The following PLPP1 variants were observed in gnomAD, a reference collection of about 807,000 sequenced individuals.
PLPP1 encodes the protein lipid phosphate phosphohydrolase 1a.
A neutral mutation model predicts 31.2 loss-of-function variants in PLPP1; 24 were observed. The ratio of observed to expected loss-of-function variants is 0.77; its 90% CI spans 0.56 to 1.08. PLPP1 has a LOEUF of 1.08. PLPP1 is among the 50% of genes least tolerant of loss of function. The pLI, the probability that PLPP1 is intolerant of heterozygous loss-of-function variation, is 0.00. For synonymous variants in PLPP1, 146 were observed against 126.3 expected, an observed-to-expected ratio of 1.16 and a Z score of -1.05; for missense variants, 319 against 342.7, an observed-to-expected ratio of 0.93 and a Z score of 0.55.
intron 1 of PLPP1, among the ~76,000 whole-genome samples, chr5:55,483,386 C>T (rs994732325): frequency 2.0e-5 from 3 of 151,948 alleles, no homozygotes; most frequent in Admixed American, 2.0e-4. Flanking sequence ...GTACATTATT[C>T]GAGGCTAGGT....
At chr5:55,443,029 C>G (rs1480292073) in intron 3 of PLPP1, among the ~76,000 whole-genome samples, 1 of 151,482 alleles carries the variant, frequency 6.6e-6, no homozygotes, top group Non-Finnish European at 1.5e-5. Flanking sequence ...AAGTAATTTA[C>G]TTATTACACT....
At chr5:55,441,683 T>C (rs1412909460) in intron 4 of PLPP1, among the ~76,000 whole-genome samples, 168 bp downstream of exon 4, 2 of 152,198 alleles carry the variant, frequency 1.3e-5, no homozygotes, top group Non-Finnish European at 2.9e-5. Context: ...CGTCCCAAAG[T>C]AAGGGCACAC....
At chr5:55,453,689 C>A (rs536239494) in intron 3 of PLPP1, among the ~76,000 whole-genome samples, 6 of 152,226 alleles carry the variant, frequency 3.9e-5, no homozygotes, top group Admixed American at 6.5e-5. Flanking sequence ...ACCTGTAATC[C>A]TAGCAATTTG....
chr5:55,513,729 C>T (rs1422258903), intron 1 of PLPP1, among the ~76,000 whole-genome samples: 5 of 152,280 alleles, frequency 3.3e-5, no homozygotes, highest in Admixed American at 6.5e-5. Flanking sequence ...CTCCTGAGCC[C>T]AGCCTGGACA....
intron 1 of PLPP1, among the ~76,000 whole-genome samples, chr5:55,516,998 C>T (rs1753568223): frequency 6.6e-6 from 1 of 152,078 alleles, no homozygotes; most frequent in Non-Finnish European, 1.5e-5. Context: ...ATATAATTCA[C>T]TAAAGTCTCC....
chr5:55,474,000 T>G (rs112002179), intron 2 of PLPP1, among the ~76,000 whole-genome samples: 656 of 33,876 alleles, frequency 0.019, 11 homozygotes, highest in African/African-American at 0.06. Flanking sequence ...GTTTGTTGTT[T>G]TTTTTTTTTT....
intron 2 of PLPP1, 37 bp downstream of exon 2, chr5:55,475,262 C>G (rs1752510391): frequency 1.3e-6 from 2 of 1,559,770 alleles, no homozygotes; most frequent in Non-Finnish European, 1.7e-6. Flanking sequence ...GCCAAGTGCC[C>G]AAAAGTTATA....
rs368727972 is a variant in PLPP1, at chr5:55,428,331, C to T, written c.550-2292G>A. ...GTGTGCTTCCTATGTGCCCATACTGCGTTTCCCTGGGTCAGGGTACTCGGT... is the reference window on the plus strand; with the variant it reads ...GTGTGCTTCCTATGTGCCCATACTGTGTTTCCCTGGGTCAGGGTACTCGGT... On this transcript the variant is annotated intron_variant, in intron 4 of 5. Coordinates refer to ENST00000307259, the MANE Select transcript of PLPP1 (RefSeq NM_003711.4). Among the ~76,000 whole-genome samples, 206 of 152,312 alleles carry T rather than the reference C, an allele frequency of 1.4e-3. 2 individuals are homozygous for T. The Middle Eastern group carries it at 0.024, about 18-fold the overall frequency.
intron 3 of PLPP1, among the ~76,000 whole-genome samples, chr5:55,447,401 A>T (rs990167917): frequency 6.6e-6 from 1 of 152,218 alleles, no homozygotes; most frequent in Non-Finnish European, 1.5e-5. Context: ...TCCCCTAAAA[A>T]TCATCCTGAA....
intron 2 of PLPP1, among the ~76,000 whole-genome samples, chr5:55,471,342 C>T (rs1752410456): frequency 2.0e-5 from 3 of 152,084 alleles, no homozygotes; most frequent in African/African-American, 7.2e-5. Flanking sequence ...GCCAGGATTA[C>T]AGGCACCCAC....
rs534348337 is a variant in PLPP1 at position 55,500,205 on chromosome 5, G to A, written c.59-24755C>T. ...CACCATTCTCCTACCTCAGCCTCCCGAGTAGCTGGGACTACAGGCGCCCGC... is the reference window on the plus strand; with the variant it reads ...CACCATTCTCCTACCTCAGCCTCCCAAGTAGCTGGGACTACAGGCGCCCGC... On this transcript the variant is annotated intron_variant, in intron 1 of 5. Coordinates refer to ENST00000307259, the MANE Select transcript of PLPP1 (RefSeq NM_003711.4). Among the ~76,000 whole-genome samples, 295 of 150,944 alleles carry A rather than the reference G, an allele frequency of 2.0e-3. 2 individuals carry two copies. Among genetic ancestry groups the A allele is most frequent in the Non-Finnish European group, 3.9e-3 (262 of 67,856 alleles).
chr5:55,440,194 C>T (rs1482454183), intron 4 of PLPP1, among the ~76,000 whole-genome samples: 2 of 152,218 alleles, frequency 1.3e-5, no homozygotes, highest in African/African-American at 4.8e-5. Flanking sequence ...CTAACACAGA[C>T]AGGTGAGCGA....
chr5:55,473,667 T>C (rs1193081475), intron 2 of PLPP1, among the ~76,000 whole-genome samples: 1 of 152,126 alleles, frequency 6.6e-6, no homozygotes, highest in East Asian at 1.9e-4. Flanking sequence ...TGTGTGTGTC[T>C]GTGTGTTTGA....
intron 4 of PLPP1, among the ~76,000 whole-genome samples, chr5:55,427,475 G>C (rs970697601): frequency 7.2e-5 from 11 of 152,142 alleles, no homozygotes; most frequent in African/African-American, 2.7e-4. Context: ...TGTTGTTCAA[G>C]CTGTGAAAAA....
At chr5:55,425,596 T>C (rs1751162952) in intron 5 of PLPP1, 2 of 447,826 alleles carry the variant, frequency 4.5e-6, no homozygotes, top group Admixed American at 4.0e-5. Context: ...AATTAGTTTT[T>C]TCAAGTCATA....
chr5:55,478,053 T>C (rs1752595565), intron 1 of PLPP1, among the ~76,000 whole-genome samples: 1 of 151,880 alleles, frequency 6.6e-6, no homozygotes, highest in Non-Finnish European at 1.5e-5. Flanking sequence ...CTCACTAGGC[T>C]GTGTGTCCTT....
intron 4 of PLPP1, among the ~76,000 whole-genome samples, chr5:55,433,383 T>G (rs1379841620): frequency 7.0e-6 from 1 of 143,404 alleles, no homozygotes; most frequent in Admixed American, 7.1e-5. Flanking sequence ...AATCAAACTG[T>G]CCGTCTTCGC....
intron 4 of PLPP1, among the ~76,000 whole-genome samples, chr5:55,437,405 C>T (rs1272412057): frequency 6.6e-6 from 1 of 151,222 alleles, no homozygotes; most frequent in East Asian, 1.9e-4. Flanking sequence ...CCATTTTAAA[C>T]TAGAGTCAAG....
chr5:55,530,851 G>A, intron 1 of PLPP1: 1 of 1,135,378 alleles, frequency 8.8e-7, no homozygotes, highest in Non-Finnish European at 1.3e-6. Flanking sequence ...GTAGGATGTG[G>A]CCGCGGAGAG....
Sources: gnomAD v4.1 joint callset for allele counts (sites outside exome capture counted in the v4.1 genomes callset) on GRCh38, gnomAD v4.1.1 for gene constraint, MANE v1.5 for transcripts, NCBI Gene and HGNC (gene_info 2026-07-23, HGNC 2026-07-21) for gene names.